ONECUT2: variants seen among roughly 807,000 people sequenced by gnomAD.
The protein encoded by ONECUT2 is one cut domain family member 2.
In ONECUT2, 10 loss-of-function variants were observed where a neutral mutation model predicts 27.9. The observed-to-expected ratio is 0.36, with a 90% CI of 0.22 to 0.61. The LOEUF (loss-of-function observed/expected upper bound fraction) is 0.61, where lower values mean the gene tolerates loss of function less well. ONECUT2 is among the 20% of genes least tolerant of loss of function. The pLI is 0.73. For synonymous variants in ONECUT2, 334 were observed against 315.1 expected, an observed-to-expected ratio of 1.06 and a Z score of -0.64; for missense variants, 686 against 721.0, an observed-to-expected ratio of 0.95 and a Z score of 0.56.
rs186374607 is a variant in ONECUT2, at chr18:57,483,491, T to G, written c.*6768T>G. The G allele has an allele frequency of 4.3e-4, 65 of 152,680 alleles. No individual in the cohort carries two copies. Among genetic ancestry groups the G allele is most frequent in the African/African-American group, 1.4e-3 (57 of 41,588 alleles). The allele number at this position is 152,680 out of a possible 1,614,324, so 9.5% of individuals were successfully genotyped here. A position where few individuals can be genotyped will look rare whatever the true frequency, so the allele number is the denominator to read the frequency against. The stretch of plus-strand genomic sequence containing the variant: ...GTACCATTAATGTAATTAACTTATT[T>G]AAATTAGTTCCTAGTACATAAATGT... On this transcript the variant is annotated 3_prime_UTR_variant, in exon 2 of 2. Transcript: ENST00000491143.
intron 1 of ONECUT2, among the ~76,000 whole-genome samples, chr18:57,458,407 TAGAA>T (rs2050271950): frequency 6.6e-6 from 1 of 152,202 alleles, no homozygotes; most frequent in Admixed American, 6.5e-5. Flanking sequence ...TATAAATAGG[TAGAA>T]AGACAGATAG....
Position 57,436,471 on chromosome 18 carries a change from C to T in ONECUT2, c.755C>T (p.Pro252Leu), listed in dbSNP as rs1248593653. The T allele has an allele frequency of 4.3e-6, 7 of 1,613,048 alleles. No homozygotes were observed. In the Admixed American group the frequency reaches 1.0e-4, roughly 23 times the overall value. ...AQQSLPNYGP[P>L]GHDKMLSPNF... ...CAGAGTCTGCCCAACTACGGTCCGC[C>T]GGGCCACGACAAAATGCTCAGCCCC... The change falls in exon 1 of 2, where the codon CCG becomes CTG. Residue 252 changes from proline (P) to leucine (L), a missense_variant. By Grantham distance (98) the Pro-to-Leu change is moderately conservative (BLOSUM62 -3). Coordinates refer to ENST00000491143, the MANE Select transcript of ONECUT2 (RefSeq NM_004852.3). The surrounding 1 kb of genome is among the most constrained non-coding windows in gnomAD (Gnocchi z 5.9).
chr18:57,442,553 A>G (rs546737502), intron 1 of ONECUT2, among the ~76,000 whole-genome samples: 5 of 152,236 alleles, frequency 3.3e-5, no homozygotes, highest in African/African-American at 9.6e-5. Flanking sequence ...TTAAACTACA[A>G]TGAGATAGCT....
At chr18:57,457,462 A>C (rs1349141859) in intron 1 of ONECUT2, among the ~76,000 whole-genome samples, 2 of 151,200 alleles carry the variant, frequency 1.3e-5, no homozygotes, top group African/African-American at 4.9e-5. Flanking sequence ...AAATTCCTGA[A>C]CTCCCTCCCC....
chr18:57,473,520 C>T (rs1179163550), intron 1 of ONECUT2, among the ~76,000 whole-genome samples: 3 of 152,124 alleles, frequency 2.0e-5, no homozygotes, highest in African/African-American at 7.2e-5. Context: ...GGCCCCAGGT[C>T]TTGGAGGTGT....
intron 1 of ONECUT2, among the ~76,000 whole-genome samples, chr18:57,457,866 G>C (rs149197790): frequency 2.6e-5 from 4 of 152,106 alleles, no homozygotes; most frequent in African/African-American, 9.7e-5. Context: ...GCCAACTATC[G>C]CAAGGACAGA....
intron 1 of ONECUT2, among the ~76,000 whole-genome samples, chr18:57,440,821 C>T (rs545722167): frequency 4.7e-4 from 71 of 152,312 alleles, no homozygotes; most frequent in African/African-American, 1.6e-3. Context: ...CCTCGTTTCT[C>T]GCTGCTAGGG....
Position 57,486,094 on chromosome 18 carries a change from A to C in ONECUT2, c.*9371A>C, listed in dbSNP as rs777887595. ...CCCATACGAGAGAGGATCTAGAAAG[A>C]GCGATGGCAGCCTGAACACAGAAAA... On this transcript the variant is annotated 3_prime_UTR_variant, in exon 2 of 2. Transcript: ENST00000491143. The C allele has an allele frequency of 5.6e-4, 85 of 152,768 alleles. No individual in the cohort carries two copies. Among genetic ancestry groups the C allele is most frequent in the Non-Finnish European group, 7.0e-4 (48 of 68,138 alleles). The allele number at this position is 152,768 out of a possible 1,614,324, so 9.5% of individuals were successfully genotyped here.
chr18:57,456,578 C>T (rs1457012653), intron 1 of ONECUT2, among the ~76,000 whole-genome samples: 1 of 152,088 alleles, frequency 6.6e-6, no homozygotes, highest in Non-Finnish European at 1.5e-5. Flanking sequence ...TGGTGCTTGC[C>T]AGGTGCCTGA....
intron 1 of ONECUT2, among the ~76,000 whole-genome samples, chr18:57,466,603 G>A (rs574176318): frequency 6.6e-6 from 1 of 152,282 alleles, no homozygotes; most frequent in African/African-American, 2.4e-5. Context: ...GAGATGACTG[G>A]GAATTGTGAT....
Position 57,483,470 on chromosome 18 carries a change from C to T in ONECUT2, c.*6747C>T, listed in dbSNP as rs542370757. ...GGTTATGACCCAACAAGCTAAGTAC[C>T]ATTAATGTAATTAACTTATTTAAAT... On this transcript the variant is annotated 3_prime_UTR_variant, in exon 2 of 2. Coordinates refer to ENST00000491143, the MANE Select transcript of ONECUT2 (RefSeq NM_004852.3). 6.6e-6 allele frequency: 1 copy of T among 152,554 alleles called. No individual in the cohort carries two copies. The highest frequency in any genetic ancestry group is 1.5e-5 in the Non-Finnish European group (1 of 68,010). The allele number at this position is 152,554 out of a possible 1,614,324, so 9.5% of individuals were successfully genotyped here.
rs2050430335 is a variant in ONECUT2, at chr18:57,484,672, C to G, written c.*7949C>G. 6.6e-6 allele frequency: 1 copy of G among 152,250 alleles called. No homozygotes were observed. The highest frequency in any genetic ancestry group is 1.5e-5 in the Non-Finnish European group (1 of 68,080). The allele number at this position is 152,250 out of a possible 1,614,324, so 9.4% of individuals were successfully genotyped here. A position where few individuals can be genotyped will look rare whatever the true frequency, so the allele number is the denominator to read the frequency against. On this transcript the variant is annotated 3_prime_UTR_variant, in exon 2 of 2. Transcript: ENST00000491143. ...TGCCAATTACTGAACCACAGAAGCT[C>G]TGACCATTGAGTAGTTGAGCTGGAA...
chr18:57,463,790 G>A (rs1004192728), intron 1 of ONECUT2, among the ~76,000 whole-genome samples: 4 of 151,976 alleles, frequency 2.6e-5, no homozygotes, highest in African/African-American at 9.7e-5. Flanking sequence ...AATTGATTTT[G>A]TCTACTGACT....
intron 1 of ONECUT2, among the ~76,000 whole-genome samples, chr18:57,441,642 G>A (rs2050174668): frequency 1.3e-5 from 2 of 152,254 alleles, no homozygotes. Context: ...ACTATCCTGT[G>A]CTTGGCCGTT....
At position 57,476,965 on chromosome 18, in the gene ONECUT2, C is replaced by G; in HGVS notation, c.*242C>G. On this transcript the variant is annotated 3_prime_UTR_variant, in exon 2 of 2. Coordinates refer to ENST00000491143, the MANE Select transcript of ONECUT2 (RefSeq NM_004852.3). The stretch of plus-strand genomic sequence containing the variant: ...AAAATTAATCTCTTAGAACCAGACA[C>G]TGTTCTCTGAGCATGCTAAGCATCC... 1 of 534,802 alleles carries G rather than the reference C, an allele frequency of 1.9e-6. No homozygotes were observed. The highest frequency in any genetic ancestry group is 3.3e-6 in the Non-Finnish European group (1 of 303,036). The allele number at this position is 534,802 out of a possible 1,614,324, so 33.1% of individuals were successfully genotyped here.
chr18:57,448,968 C>T lies in ONECUT2; in HGVS notation c.1228+12024C>T, dbSNP rs530323300. On this transcript the variant is annotated intron_variant, in intron 1 of 1. Transcript: ENST00000491143. ...GATGCAATTGCCTCCTAATGTATAC[C>T]AGAGTTCATTTCTGTTCATGTTCAA... 3.2e-4 allele frequency among the ~76,000 whole-genome samples: 49 copies of T among 152,284 alleles called. 1 individual carries two copies. The highest frequency in any genetic ancestry group is 1.1e-3 in the African/African-American group (47 of 41,556).
chr18:57,436,255 A>G lies in ONECUT2; in HGVS notation c.539A>G (p.His180Arg). ...PHPHHHPHHH[H>R]HHHHQRLSGN... ...CCGCACCACCATCCGCACCACCACC[A>G]CCACCACCACCACCAGCGCCTGTCC... The change falls in exon 1 of 2, where the codon CAC (histidine) becomes CGC (arginine). Residue 180 changes from histidine (H) to arginine (R), a missense_variant. His to Arg is a conservative substitution (Grantham distance 29). Transcript: ENST00000491143. The surrounding 1 kb of genome is among the most constrained non-coding windows in gnomAD (Gnocchi z 5.9). The G allele has an allele frequency of 6.2e-7, 1 of 1,601,394 alleles. No individual in the cohort carries two copies. Among genetic ancestry groups the G allele is most frequent in the Non-Finnish European group, 8.5e-7 (1 of 1,177,508 alleles).
chr18:57,446,378 G>A (rs377084648), intron 1 of ONECUT2, among the ~76,000 whole-genome samples: 19 of 152,236 alleles, frequency 1.2e-4, no homozygotes, highest in East Asian at 7.7e-4. Flanking sequence ...TTGTGCAAAC[G>A]GTGCTTTTAG....
intron 1 of ONECUT2, among the ~76,000 whole-genome samples, chr18:57,459,391 T>C (rs537388380): frequency 6.6e-6 from 1 of 152,320 alleles, no homozygotes; most frequent in Non-Finnish European, 1.5e-5. Flanking sequence ...ATAACAATTA[T>C]AAATATCTAT....
Sources: gnomAD v4.1 joint callset for allele counts (sites outside exome capture counted in the v4.1 genomes callset) on GRCh38, gnomAD v4.1.1 for gene constraint, Gnocchi (gnomAD v3.1) non-coding constraint, MANE v1.5 for transcripts, NCBI Gene and HGNC (gene_info 2026-07-23, HGNC 2026-07-21) for gene names.